The following DZANK1 variants were observed in gnomAD, a reference collection of about 807,000 sequenced individuals.
The protein encoded by DZANK1 is double zinc ribbon and ankyrin repeat domains 1, also known as double zinc ribbon and ankyrin repeat-containing protein 1.
DZANK1 carries 91 observed loss-of-function variants against 94.5 expected under a neutral mutation model. That is an observed-to-expected ratio of 0.96 (90% CI 0.81 to 1.15). DZANK1 has a LOEUF of 1.15. Among genes scored for constraint, DZANK1 ranks in the 50% most tolerant of loss-of-function variants. The probability of loss-of-function intolerance (pLI) is 0.00; values close to 1 mark genes in which losing one functional copy is unlikely to be tolerated. For synonymous variants in DZANK1, 312 were observed against 325.3 expected (o/e 0.96, Z 0.44); for missense variants, 903 against 916.4 (o/e 0.99, Z 0.19).
At chr20:18,452,543 T>TA (rs2059139945) in intron 6 of DZANK1, 72 bp downstream of exon 6, 3 of 1,492,020 alleles carry the variant, frequency 2.0e-6, no homozygotes, top group Middle Eastern at 2.0e-4. Context: ...GGTGCAGTCT[T>TA]AAAGTATTTC....
At position 18,424,900 on chromosome 20, in the gene DZANK1, C is replaced by T. The variant is rs370092799; in HGVS notation, c.954+2167G>A. Reference sequence around the variant, plus strand: ...AAATCAATACATGCAACAACATGAACGAACCTCAAAAACATTCTGCTAAGT... The same window carrying T: ...AAATCAATACATGCAACAACATGAATGAACCTCAAAAACATTCTGCTAAGT... On this transcript the variant is annotated intron_variant, in intron 10 of 20. Coordinates refer to ENST00000262547, the Ensembl canonical transcript of DZANK1. Among the ~76,000 whole-genome samples, 8 of 151,994 alleles carry T rather than the reference C, an allele frequency of 5.3e-5. No individual in the cohort carries two copies. In the East Asian group the frequency reaches 1.2e-3, roughly 22 times the overall value.
exon 19 of DZANK1, chr20:18,389,786 T>A (rs1234242905): frequency 6.2e-7 from 1 of 1,614,014 alleles, no homozygotes; most frequent in Non-Finnish European, 8.5e-7. Flanking sequence ...GCCACGGTTA[T>A]GACGGGTCGA....
intron 9 of DZANK1, among the ~76,000 whole-genome samples, chr20:18,427,386 CTG>C (rs1362556122): frequency 2.0e-5 from 3 of 151,664 alleles, no homozygotes; most frequent in Admixed American, 2.0e-4. Context: ...TGGGATCCGA[CTG>C]TGTTGCCCAG....
intron 13 of DZANK1, among the ~76,000 whole-genome samples, chr20:18,405,912 G>A (rs1290048600): frequency 6.6e-6 from 1 of 152,218 alleles, no homozygotes; most frequent in Non-Finnish European, 1.5e-5. Flanking sequence ...CTGGGGGACT[G>A]TACACTGAAC....
chr20:18,459,840 T>C (rs2059414400), intron 3 of DZANK1, among the ~76,000 whole-genome samples: 1 of 152,180 alleles, frequency 6.6e-6, no homozygotes, highest in African/African-American at 2.4e-5. Flanking sequence ...CAGAGCAAGA[T>C]GGAGCTCTTT....
chr20:18,439,984 C>T (rs2058668858), intron 8 of DZANK1, among the ~76,000 whole-genome samples: 1 of 152,022 alleles, frequency 6.6e-6, no homozygotes, highest in Non-Finnish European at 1.5e-5. Context: ...TAAATGAGGT[C>T]ATTACAGTGG....
intron 13 of DZANK1, among the ~76,000 whole-genome samples, chr20:18,398,903 A>G (rs1031776040): frequency 1.1e-4 from 16 of 152,142 alleles, no homozygotes; most frequent in African/African-American, 3.9e-4. Context: ...AGGCCGAGGC[A>G]GGTGGATCAC....
At chr20:18,461,979 T>C (rs1481038977) in intron 2 of DZANK1, among the ~76,000 whole-genome samples, 2 of 152,098 alleles carry the variant, frequency 1.3e-5, no homozygotes, top group South Asian at 4.2e-4. Flanking sequence ...CAGCAATGCA[T>C]GAAAACACCT....
At chr20:18,443,155 G>T (rs1374112292) in intron 8 of DZANK1, among the ~76,000 whole-genome samples, 192 bp downstream of exon 8, 3 of 152,144 alleles carry the variant, frequency 2.0e-5, no homozygotes, top group African/African-American at 7.2e-5. Flanking sequence ...CTTCTGGCAG[G>T]CCACACAAAA....
intron 19 of DZANK1, among the ~76,000 whole-genome samples, chr20:18,386,390 C>A (rs2048496087): frequency 6.6e-6 from 1 of 152,086 alleles, no homozygotes; most frequent in Admixed American, 6.6e-5. Flanking sequence ...TGAGAAAAAC[C>A]TGTAGAATCA....
intron 7 of DZANK1, among the ~76,000 whole-genome samples, chr20:18,444,263 C>T (rs1601078048): frequency 6.6e-6 from 1 of 152,210 alleles, no homozygotes; most frequent in South Asian, 2.1e-4. Flanking sequence ...ATTACTGTAC[C>T]ATGGCACCAA....
chr20:18,466,996 C>G (rs913067952), exon 1 of DZANK1: 9 of 154,948 alleles, frequency 5.8e-5, no homozygotes, highest in African/African-American at 2.2e-4. Context: ...AGCCTCTCAC[C>G]GCCTCTTGCC....
At chr20:18,429,601 A>G (rs901758859) in intron 9 of DZANK1, among the ~76,000 whole-genome samples, 1 of 152,000 alleles carries the variant, frequency 6.6e-6, no homozygotes, top group Non-Finnish European at 1.5e-5. Flanking sequence ...CATCATTATC[A>G]CCCGCAGCCC....
intron 13 of DZANK1, among the ~76,000 whole-genome samples, chr20:18,410,809 GGT>G (rs2057215518): frequency 6.6e-6 from 1 of 152,126 alleles, no homozygotes; most frequent in South Asian, 2.1e-4. Flanking sequence ...AAATTATCCA[GGT>G]GTGGTGGCTT....
chr20:18,415,369 C>A (rs1213052487), exon 11 of DZANK1: 3 of 1,595,130 alleles, frequency 1.9e-6, no homozygotes, highest in Non-Finnish European at 1.7e-6. Context: ...CCCAGAGATT[C>A]CAGCGACCAC....
chr20:18,422,144 A>G (rs2057811767), intron 10 of DZANK1, among the ~76,000 whole-genome samples: 1 of 152,110 alleles, frequency 6.6e-6, no homozygotes, highest in African/African-American at 2.4e-5. Context: ...TGCCCAGACT[A>G]ATGTCATAAG....
At chr20:18,383,945 C>G (rs889335963) in exon 21 of DZANK1, 13 of 156,184 alleles carry the variant, frequency 8.3e-5, no homozygotes, top group Admixed American at 2.5e-4. Context: ...GTACTGATGG[C>G]TTATACTGTC....
At chr20:18,465,225 A>T in intron 2 of DZANK1, 25 bp downstream of exon 2, 1 of 1,417,432 alleles carries the variant, frequency 7.1e-7, no homozygotes, top group Non-Finnish European at 9.7e-7. Flanking sequence ...TATTTTAAAC[A>T]ATTTCAAACA....
At chr20:18,433,921 G>T in intron 8 of DZANK1, 156 bp from the exon 9 acceptor site, 1 of 582,220 alleles carries the variant, frequency 1.7e-6, no homozygotes. Flanking sequence ...GTTAGTACTT[G>T]GTGGAAGAAT....
Sources: allele counts gnomAD v4.1 joint callset (sites outside exome capture counted in the v4.1 genomes callset), GRCh38; gene constraint gnomAD v4.1.1; transcripts MANE v1.5; gene names NCBI Gene and HGNC (gene_info 2026-07-23, HGNC 2026-07-21).